Variants in RSU1 observed in about 807,000 individuals in gnomAD.
RSU1 encodes the protein rsu-1.
Under a neutral mutation model 31.1 loss-of-function variants are expected in RSU1, and 26 were observed. The ratio of observed to expected loss-of-function variants is 0.84; its 90% CI spans 0.61 to 1.16. The LOEUF (loss-of-function observed/expected upper bound fraction) is 1.16. Among genes scored for constraint, RSU1 ranks in the 50% most tolerant of loss-of-function variants. The pLI, the probability that RSU1 is intolerant of heterozygous loss-of-function variation, is 0.00. For synonymous variants in RSU1, 164 were observed against 136.3 expected (o/e 1.20, Z -1.41); for missense variants, 320 against 339.1 (o/e 0.94, Z 0.44).
intron 3 of RSU1, among the ~76,000 whole-genome samples, chr10:16,769,463 G>A (rs966394171): frequency 9.2e-5 from 14 of 152,356 alleles, no homozygotes; most frequent in Admixed American, 5.2e-4. Context: ...GATACTGACC[G>A]TTTCCATCAC....
intron 8 of RSU1, among the ~76,000 whole-genome samples, chr10:16,653,753 T>C (rs1256730758): frequency 6.6e-6 from 1 of 152,080 alleles, no homozygotes; most frequent in African/African-American, 2.4e-5. Context: ...GAAGATAATA[T>C]CGGACAAGAG....
intron 7 of RSU1, among the ~76,000 whole-genome samples, chr10:16,699,566 C>T (rs1425752537): frequency 1.3e-5 from 2 of 152,248 alleles, no homozygotes; most frequent in Non-Finnish European, 2.9e-5. Context: ...ACGCCACACG[C>T]TTCAGTGCGT....
At chr10:16,793,957 C>T (rs1483890299) in intron 2 of RSU1, among the ~76,000 whole-genome samples, 1 of 151,878 alleles carries the variant, frequency 6.6e-6, no homozygotes. Context: ...AAGACCTACC[C>T]TTGCCAATGC....
At position 16,755,019 on chromosome 10, in the gene RSU1, T is replaced by C. The variant is rs368118604; in HGVS notation, c.282-30A>G. 1.3e-4 allele frequency: 178 copies of C among 1,413,298 alleles called. 1 individual carries two copies. In the Admixed American group the frequency reaches 1.6e-3, roughly 13 times the overall value. The allele number at this position is 1,413,298 out of a possible 1,614,324, so 87.5% of individuals were successfully genotyped here. On this transcript the variant is annotated intron_variant, in intron 4 of 8. Coordinates refer to ENST00000345264, the MANE Select transcript of RSU1 (RefSeq NM_012425.4). Reference sequence around the variant, plus strand: ...TGCAGGGGGACAAAAATCTATGTCATGACACCAAAGACACATTCATACAGA... The same window carrying C: ...TGCAGGGGGACAAAAATCTATGTCACGACACCAAAGACACATTCATACAGA...
chr10:16,755,438 TAAAA>T (rs774777707), intron 4 of RSU1, among the ~76,000 whole-genome samples: 1 of 151,688 alleles, frequency 6.6e-6, no homozygotes, highest in Admixed American at 6.6e-5. Context: ...TTTTTTTAAT[TAAAA>T]AAAGCATTTA....
intron 7 of RSU1, among the ~76,000 whole-genome samples, chr10:16,744,423 G>A (rs970459072): frequency 5.9e-5 from 9 of 152,100 alleles, no homozygotes; most frequent in East Asian, 1.9e-4. Context: ...TGAAATAAGC[G>A]CTGTCACAAA....
chr10:16,696,362 G>A (rs1256692966), intron 7 of RSU1, among the ~76,000 whole-genome samples: 1 of 152,238 alleles, frequency 6.6e-6, no homozygotes, highest in South Asian at 2.1e-4. Flanking sequence ...CTGAGCTTTG[G>A]AAATGAAAGG....
intron 3 of RSU1, among the ~76,000 whole-genome samples, chr10:16,774,303 A>C (rs1837485010): frequency 6.6e-6 from 1 of 152,222 alleles, no homozygotes; most frequent in Non-Finnish European, 1.5e-5. Flanking sequence ...CAAATCTCCA[A>C]GGAGCATCTC....
chr10:16,695,168 A>G lies in RSU1; in HGVS notation c.599-13T>C, dbSNP rs45561438. ...AAATCCAAGTTTCCTGGGGGGGGGG[A>G]AAAAAAAAGTGAAGGTCACTTCATC... On this transcript the variant is annotated splice_polypyrimidine_tract_variant and intron_variant, in intron 7 of 8. Transcript: ENST00000345264. 0.11 allele frequency: 123,637 copies of G among 1,079,962 alleles called. 10,561 individuals are homozygous for G. Among genetic ancestry groups the G allele is most frequent in the East Asian group, 0.21 (6,066 of 28,984 alleles). 66.9% of individuals were successfully genotyped at this position (1,079,962 alleles called of 1,614,324 possible).
intron 7 of RSU1, among the ~76,000 whole-genome samples, chr10:16,744,759 G>A (rs1162743855): frequency 6.6e-6 from 1 of 152,144 alleles, no homozygotes. Flanking sequence ...TTGGAAAATT[G>A]CTTGTAATTA....
At chr10:16,791,496 G>A (rs1482099004) in intron 2 of RSU1, among the ~76,000 whole-genome samples, 1 of 151,964 alleles carries the variant, frequency 6.6e-6, no homozygotes, top group Non-Finnish European at 1.5e-5. Flanking sequence ...GGGCATGGTG[G>A]TGCATACCTG....
chr10:16,772,845 T>C (rs1412222757), intron 3 of RSU1, among the ~76,000 whole-genome samples: 2 of 152,120 alleles, frequency 1.3e-5, no homozygotes, highest in Non-Finnish European at 2.9e-5. Context: ...ACATTCTATC[T>C]TGCACTCTTT....
chr10:16,635,574 A>G lies in RSU1; in HGVS notation c.732-42078T>C, dbSNP rs117087043. On this transcript the variant is annotated intron_variant, in intron 8 of 8. Transcript: ENST00000345264. ...CCCTCCACTGGCATTCAAGATCCCA[A>G]TCCCTTTTCTCTGCAAAATGATACT... Among the ~76,000 whole-genome samples, 57 of 152,304 alleles carry G rather than the reference A, an allele frequency of 3.7e-4. No individual in the cohort carries two copies. The East Asian group carries it at 0.01, about 27-fold the overall frequency.
intron 8 of RSU1, among the ~76,000 whole-genome samples, chr10:16,661,107 A>G (rs1834880394): frequency 6.6e-6 from 1 of 151,994 alleles, no homozygotes; most frequent in African/African-American, 2.4e-5. Flanking sequence ...GTTTTTCTCT[A>G]TATAGCTCAC....
intron 8 of RSU1, among the ~76,000 whole-genome samples, chr10:16,641,272 G>C (rs1466338541): frequency 6.6e-6 from 1 of 152,082 alleles, no homozygotes; most frequent in Non-Finnish European, 1.5e-5. Flanking sequence ...CCTCAAAGCA[G>C]ATTGAAGACT....
At chr10:16,785,864 T>A (rs975229075) in intron 2 of RSU1, among the ~76,000 whole-genome samples, 3 of 152,126 alleles carry the variant, frequency 2.0e-5, no homozygotes, top group African/African-American at 7.2e-5. Context: ...AATTAGTAAA[T>A]TTGGGAAAAG....
chr10:16,658,204 A>G lies in RSU1; in HGVS notation c.731+36819T>C, dbSNP rs983021348. On this transcript the variant is annotated intron_variant, in intron 8 of 8. Coordinates refer to ENST00000345264, the MANE Select transcript of RSU1 (RefSeq NM_012425.4). Reference sequence around the variant, plus strand: ...TTTCATTTTGTATGTCAATTTGTCAATTTCCATTTGCAATAGAAATAAAAG... The same window carrying G: ...TTTCATTTTGTATGTCAATTTGTCAGTTTCCATTTGCAATAGAAATAAAAG... Among the ~76,000 whole-genome samples, 7 of 152,260 alleles carry G rather than the reference A, an allele frequency of 4.6e-5. No homozygotes were observed. The South Asian group carries it at 8.3e-4, about 18-fold the overall frequency.
At position 16,691,008 on chromosome 10, in the gene RSU1, AAAG is replaced by A. The variant is rs141093007; in HGVS notation, c.731+4012_731+4014del. On this transcript the variant is annotated intron_variant, in intron 8 of 8. Transcript: ENST00000345264. ...AGTATGCGGCTTAAACAACAGAGAC[AAAG>A]AAGTGAAAATTAGGAACTATAATAA... 7.7e-3 allele frequency among the ~76,000 whole-genome samples: 1,170 copies of A among 152,278 alleles called. 7 individuals carry two copies. The highest frequency in any genetic ancestry group is 0.012 in the Non-Finnish European group (802 of 68,020).
rs962917478 is a variant in RSU1 at position 16,590,884 on chromosome 10, T to C, written c.*2510A>G. 6.6e-6 allele frequency: 1 copy of C among 152,218 alleles called. No individual in the cohort carries two copies. The highest frequency in any genetic ancestry group is 6.5e-5 in the Admixed American group (1 of 15,272). The allele number at this position is 152,218 out of a possible 1,614,324, so 9.4% of individuals were successfully genotyped here. A position where few individuals can be genotyped will look rare whatever the true frequency, so the allele number is the denominator to read the frequency against. On this transcript the variant is annotated 3_prime_UTR_variant, in exon 9 of 9. Transcript: ENST00000345264. Reference sequence around the variant, plus strand: ...GCTTTTTCTGTTTAATCAGATGTTATGATTCTCTCCCTTTGCCCTTATTGT... The same window carrying C: ...GCTTTTTCTGTTTAATCAGATGTTACGATTCTCTCCCTTTGCCCTTATTGT...
Sources: gnomAD v4.1 joint callset for allele counts (sites outside exome capture counted in the v4.1 genomes callset) on GRCh38, gnomAD v4.1.1 for gene constraint, MANE v1.5 for transcripts, NCBI Gene and HGNC (gene_info 2026-07-23, HGNC 2026-07-21) for gene names.